AVEN: variants seen among roughly 807,000 people sequenced by gnomAD.
The protein encoded by AVEN is apoptosis and caspase activation inhibitor, also known as cell death regulator Aven.
A neutral mutation model predicts 38.1 loss-of-function variants in AVEN; 41 were observed. The observed-to-expected ratio is 1.08, with a 90% CI of 0.84 to 1.40. The LOEUF is 1.40. Among genes scored for constraint, AVEN ranks in the 40% most tolerant of loss-of-function variants. AVEN has a pLI of 0.00. For synonymous variants in AVEN, 206 were observed against 171.8 expected (o/e 1.20, Z -1.56); for missense variants, 605 against 438.8 (o/e 1.38, Z -3.38).
intron 2 of AVEN, among the ~76,000 whole-genome samples, chr15:33,986,079 C>T (rs192019434): frequency 1.4e-5 from 2 of 146,328 alleles, no homozygotes; most frequent in East Asian, 4.1e-4. Context: ...GAAAACCTCA[C>T]ATTTCACTGT....
At chr15:33,968,099 T>TAAAAAAAAAAAAAAAAAAA (rs71119906) in intron 2 of AVEN, among the ~76,000 whole-genome samples, 5 of 25,852 alleles carry the variant, frequency 1.9e-4, no homozygotes, top group Non-Finnish European at 2.3e-4. Context: ...TAGCAAAGCT[T>TAAAAAAAAAAAAAAAAAAA]AAAAAAAAAA....
In AVEN at chr15:34,039,170, G is replaced by A. The variant is rs1899340887; in HGVS notation, c.-124C>T. 12 of 839,268 alleles carry A rather than the reference G, an allele frequency of 1.4e-5. No homozygotes were observed. Among genetic ancestry groups the A allele is most frequent in the Non-Finnish European group, 1.6e-5 (11 of 686,808 alleles). 52.0% of individuals were successfully genotyped at this position (839,268 alleles called of 1,614,324 possible). A position where few individuals can be genotyped will look rare whatever the true frequency, so the allele number is the denominator to read the frequency against. ...AAGGCGCCCGGTAGCAGCGAGGCGCGGGGTGCGGGGCTAGGGATCGAGGCC... is the reference window on the plus strand; with the variant it reads ...AAGGCGCCCGGTAGCAGCGAGGCGCAGGGTGCGGGGCTAGGGATCGAGGCC... On this transcript the variant is annotated 5_prime_UTR_variant, in exon 1 of 6. Transcript: ENST00000306730.
At chr15:34,006,666 T>G (rs982715297) in intron 1 of AVEN, among the ~76,000 whole-genome samples, 3 of 152,236 alleles carry the variant, frequency 2.0e-5, no homozygotes, top group Non-Finnish European at 4.4e-5. Context: ...CTGATCCTTA[T>G]GCATATGAAT....
chr15:34,048,491 C>G (rs1012216910), intron 5 of AVEN, among the ~76,000 whole-genome samples: 1 of 150,910 alleles, frequency 6.6e-6, no homozygotes, highest in African/African-American at 2.4e-5. Context: ...CTGGGCAGGA[C>G]CTCCATGTGG....
At chr15:33,889,487 G>A (rs1855124889) in intron 2 of AVEN, among the ~76,000 whole-genome samples, 1 of 152,098 alleles carries the variant, frequency 6.6e-6, no homozygotes, top group Non-Finnish European at 1.5e-5. Context: ...CGTCCATAAT[G>A]TCCCTTGAAT....
rs373312214 is a variant in AVEN at position 33,889,306 on chromosome 15, CA to C, written c.446-13312del. 3.8e-4 allele frequency among the ~76,000 whole-genome samples: 58 copies of C among 152,234 alleles called. No individual in the cohort carries two copies. The East Asian group carries it at 9.3e-3, about 24-fold the overall frequency. On this transcript the variant is annotated intron_variant, in intron 2 of 5. Coordinates refer to ENST00000306730, the MANE Select transcript of AVEN (RefSeq NM_020371.3). ...ATAATGCTAGTCTTTTAATCTCTGT[CA>C]GTATAACAAAACCTTTTCCCACCAA...
At chr15:34,055,214 C>T (rs1900088980) in intron 5 of AVEN, among the ~76,000 whole-genome samples, 1 of 149,760 alleles carries the variant, frequency 6.7e-6, no homozygotes, top group Admixed American at 6.7e-5. Flanking sequence ...AGTAAATAAA[C>T]AAGGCCAGGC....
At chr15:33,858,111 G>A, downstream of AVEN, 1 of 723,894 alleles carries the variant, frequency 1.4e-6, no homozygotes, top group Non-Finnish European at 2.2e-6. Flanking sequence ...AGTGATGGAG[G>A]TAGTTTTCAT....
chr15:33,888,127 T>G (rs1319786002), intron 2 of AVEN, among the ~76,000 whole-genome samples: 1 of 152,152 alleles, frequency 6.6e-6, no homozygotes, highest in Admixed American at 6.5e-5. Context: ...AATATAAAGC[T>G]ACACAGAAAG....
At chr15:33,973,187 CCTT>C (rs1274002555) in intron 2 of AVEN, among the ~76,000 whole-genome samples, 4 of 152,130 alleles carry the variant, frequency 2.6e-5, no homozygotes, top group Admixed American at 2.0e-4. Flanking sequence ...ACTACGTGGG[CCTT>C]CTTATTTCCT....
At chr15:33,982,349 C>T (rs1242548971) in intron 2 of AVEN, among the ~76,000 whole-genome samples, 2 of 152,060 alleles carry the variant, frequency 1.3e-5, no homozygotes, top group Non-Finnish European at 2.9e-5. Flanking sequence ...TCTCCCATCC[C>T]AATCCAAACC....
intron 2 of AVEN, among the ~76,000 whole-genome samples, chr15:33,891,458 T>G (rs1256407429): frequency 6.6e-6 from 1 of 152,300 alleles, no homozygotes; most frequent in East Asian, 1.9e-4. Flanking sequence ...CATTGTTCAG[T>G]TCCCACCTGT....
intron 1 of AVEN, chr15:34,007,092 C>A: frequency 4.1e-6 from 4 of 981,576 alleles, no homozygotes; most frequent in Non-Finnish European, 4.8e-6. Flanking sequence ...TAACAGGAAT[C>A]CATTTAGATT....
In AVEN at chr15:33,999,431, A is replaced by G. The variant is rs534341496; in HGVS notation, c.445+3601T>C. Among the ~76,000 whole-genome samples, 3 of 152,296 alleles carry G rather than the reference A, an allele frequency of 2.0e-5. No individual in the cohort carries two copies. In the East Asian group the frequency reaches 5.8e-4, roughly 29 times the overall value. Reference sequence around the variant, plus strand: ...AGTGTTCAATTATATTGAGTGTGCCAGCCATTTATTAAGGAATTCTGACTG... The same window carrying G: ...AGTGTTCAATTATATTGAGTGTGCCGGCCATTTATTAAGGAATTCTGACTG... On this transcript the variant is annotated intron_variant, in intron 2 of 5. Transcript: ENST00000306730.
At chr15:33,877,531 G>A (rs117531610) in intron 2 of AVEN, among the ~76,000 whole-genome samples, 7,539 of 152,294 alleles carry the variant, frequency 0.05, 281 homozygotes, top group Non-Finnish European at 0.056. Flanking sequence ...AAAACAAAAG[G>A]GGGCCGGGCG....
chr15:34,021,151 C>G (rs1257580145), intron 1 of AVEN, among the ~76,000 whole-genome samples: 1 of 152,072 alleles, frequency 6.6e-6, no homozygotes. Context: ...TCATTTGTGG[C>G]CTGGGTGAAT....
At position 34,045,643 on chromosome 15, in the gene AVEN, T is replaced by TA. The variant is rs550510828; in HGVS notation, n.1637+17278dup. On this transcript the variant is annotated intron_variant and non_coding_transcript_variant, in intron 5 of 11. Coordinates refer to the AVEN transcript ENST00000675287. ...TAGATGCCATTAAAGTTTTCCACTG[T>TA]AGTTGCTATAGAAACAATGAAGAGT... Among the ~76,000 whole-genome samples the TA allele has an allele frequency of 2.7e-3, 406 of 152,068 alleles. 2 individuals are homozygous for TA. The highest frequency in any genetic ancestry group is 9.5e-3 in the African/African-American group (394 of 41,462).
chr15:34,059,885 C>G (rs188555008), intron 5 of AVEN, among the ~76,000 whole-genome samples: 2 of 152,202 alleles, frequency 1.3e-5, no homozygotes, highest in Non-Finnish European at 2.9e-5. Flanking sequence ...ACATTCCCAA[C>G]TAGTGTCTAA....
intron 2 of AVEN, among the ~76,000 whole-genome samples, chr15:33,966,746 T>C (rs1895402110): frequency 6.6e-6 from 1 of 152,154 alleles, no homozygotes; most frequent in Admixed American, 6.6e-5. Flanking sequence ...TTTCAGGACC[T>C]CATGCTATTG....
Sources: gnomAD v4.1 joint callset for allele counts (sites outside exome capture counted in the v4.1 genomes callset) on GRCh38, gnomAD v4.1.1 for gene constraint, MANE v1.5 for transcripts, NCBI Gene and HGNC (gene_info 2026-07-23, HGNC 2026-07-21) for gene names.